PAPPA2: variants seen among roughly 807,000 people sequenced by gnomAD.
The protein encoded by PAPPA2 is pappalysin-2.
Under a neutral mutation model 176.4 loss-of-function variants are expected in PAPPA2, and 86 were observed. The observed-to-expected ratio is 0.49, with a 90% confidence interval of 0.41 to 0.58. PAPPA2 has a LOEUF of 0.58. PAPPA2 is among the 20% of genes least tolerant of loss of function. PAPPA2 has a pLI of 0.00. For synonymous variants in PAPPA2, 809 were observed against 852.2 expected (o/e 0.95, Z 0.88); for missense variants, 2,073 against 2,256.9 (o/e 0.92, Z 1.65).
intron 20 of PAPPA2, among the ~76,000 whole-genome samples, chr1:176,794,849 G>A (rs1465039305): frequency 6.6e-6 from 1 of 152,190 alleles, no homozygotes; most frequent in East Asian, 1.9e-4. Context: ...TCATTGCAAT[G>A]GTGTCTTCCT....
chr1:176,699,117 C>G lies in PAPPA2; in HGVS notation c.2764C>G (p.Gln922Glu). The change falls in exon 8 of 23, where the codon CAG becomes GAG. Residue 922 changes from glutamine to glutamate, a missense_variant. Gln to Glu is a conservative substitution (Grantham distance 29). Transcript: ENST00000367662. Reference protein sequence around the residue: ...EEAVGPPDVDQPCEPSLQAWS... With the variant: ...EEAVGPPDVDEPCEPSLQAWS... ...CCCCCCAGGGCCTCCTGATGTGGAT[C>G]AGCCCTGCGAGCCAAGCTTACAGGC... 3 of 1,613,020 alleles carry G rather than the reference C, an allele frequency of 1.9e-6. No individual in the cohort carries two copies. The African/African-American group carries it at 4.0e-5, about 22-fold the overall frequency.
chr1:176,762,847 T>C (rs964901481), intron 14 of PAPPA2, among the ~76,000 whole-genome samples: 4 of 152,240 alleles, frequency 2.6e-5, no homozygotes, highest in Admixed American at 2.0e-4. Flanking sequence ...TCATCAGGTC[T>C]CATAATGGAT....
intron 20 of PAPPA2, among the ~76,000 whole-genome samples, chr1:176,799,122 G>A (rs902729327): frequency 6.6e-6 from 1 of 152,160 alleles, no homozygotes; most frequent in Non-Finnish European, 1.5e-5. Flanking sequence ...ATTTCAGTTG[G>A]ACTGATTAAA....
intron 1 of PAPPA2, among the ~76,000 whole-genome samples, chr1:176,472,511 A>T (rs1651928058): frequency 6.6e-6 from 1 of 152,142 alleles, no homozygotes; most frequent in Non-Finnish European, 1.5e-5. Context: ...CCAAACATGG[A>T]ATCTGCCATT....
intron 3 of PAPPA2, among the ~76,000 whole-genome samples, chr1:176,601,403 C>G (rs1654312148): frequency 1.3e-5 from 2 of 152,156 alleles, no homozygotes; most frequent in African/African-American, 4.8e-5. Context: ...AAATCTAGCC[C>G]AAAGTAGTTC....
At chr1:176,704,675 T>C (rs1660800796) in intron 9 of PAPPA2, among the ~76,000 whole-genome samples, 1 of 152,174 alleles carries the variant, frequency 6.6e-6, no homozygotes, top group South Asian at 2.1e-4. Context: ...TTGGAACAAC[T>C]TGGGCAGGTA....
At chr1:176,605,006 G>A (rs891046772) in intron 3 of PAPPA2, among the ~76,000 whole-genome samples, 3 of 152,110 alleles carry the variant, frequency 2.0e-5, no homozygotes, top group Non-Finnish European at 4.4e-5. Flanking sequence ...TAAAATAACT[G>A]ACAATACTCA....
intron 1 of PAPPA2, among the ~76,000 whole-genome samples, chr1:176,524,198 C>G (rs1414850280): frequency 6.6e-6 from 1 of 151,922 alleles, no homozygotes; most frequent in Admixed American, 6.6e-5. Flanking sequence ...TCTATAAACA[C>G]ATGGCATATA....
At chr1:176,702,034 T>G (rs1660671853) in intron 8 of PAPPA2, among the ~76,000 whole-genome samples, 2 of 152,184 alleles carry the variant, frequency 1.3e-5, no homozygotes, top group Non-Finnish European at 2.9e-5. Flanking sequence ...GGGGAGTTGT[T>G]TAATGCATTT....
chr1:176,670,932 C>G, intron 3 of PAPPA2, 38 bp from the exon 4 acceptor site: 1 of 1,611,916 alleles, frequency 6.2e-7, no homozygotes, highest in Non-Finnish European at 8.5e-7. Flanking sequence ...AGTACCAATT[C>G]TTTGCTGTGA....
At position 176,690,201 on chromosome 1, in the gene PAPPA2, A is replaced by G; in HGVS notation, c.2202A>G (p.Glu734=). The stretch of plus-strand genomic sequence containing the variant: ...GCCACACCGACACCATGATCCATGA[A>G]GTGGGACATGTTCTGGGACTCTACC... ...MPGHTDTMIH[E]VGHVLGLYHV... Residue 734 remains glutamate, a synonymous_variant, in exon 5 of 23, where the codon GAA becomes GAG. Transcript: ENST00000367662. 1.2e-6 allele frequency: 2 copies of G among 1,614,116 alleles called. No individual in the cohort carries two copies. Among genetic ancestry groups the G allele is most frequent in the Admixed American group, 1.7e-5 (1 of 60,020 alleles).
chr1:176,610,939 A>G (rs1461387512), intron 3 of PAPPA2, among the ~76,000 whole-genome samples: 1 of 152,208 alleles, frequency 6.6e-6, no homozygotes, highest in Non-Finnish European at 1.5e-5. Flanking sequence ...GGTGGGAGAG[A>G]CAGACATGTA....
chr1:176,736,841 G>C (rs1662440658), intron 12 of PAPPA2, among the ~76,000 whole-genome samples: 1 of 151,416 alleles, frequency 6.6e-6, no homozygotes, highest in Non-Finnish European at 1.5e-5. Flanking sequence ...TTATAAAGTA[G>C]AGATATATTC....
Position 176,556,356 on chromosome 1 carries a change from G to A in PAPPA2, c.34G>A (p.Ala12Thr), listed in dbSNP as rs749472884. 2 of 1,613,984 alleles carry A rather than the reference G, an allele frequency of 1.2e-6. No individual in the cohort carries two copies. Among genetic ancestry groups the A allele is most frequent in the African/African-American group, 1.3e-5 (1 of 74,926 alleles). ...MCLKILRISL[A>T]ILAGWALCSA... ...CTTAAAGATCCTAAGAATAAGCCTG[G>A]CGATTTTGGCTGGGTGGGCACTCTG... The change falls in exon 2 of 23, where the codon GCG (alanine) becomes ACG (threonine). Residue 12 changes from alanine (A) to threonine (T), a missense_variant. By Grantham distance (58) the Ala-to-Thr change is moderately conservative. Coordinates refer to ENST00000367662, the MANE Select transcript of PAPPA2 (RefSeq NM_020318.3).
intron 1 of PAPPA2, among the ~76,000 whole-genome samples, chr1:176,528,069 G>A (rs1284447345): frequency 1.3e-5 from 2 of 152,190 alleles, no homozygotes; most frequent in East Asian, 3.9e-4. Flanking sequence ...CCATATCTGA[G>A]GATTTATAGT....
Position 176,591,085 on chromosome 1 carries a change from GCACACACACA to G in PAPPA2, c.920-3408_920-3399del, listed in dbSNP as rs66535582. Among the ~76,000 whole-genome samples, 358 of 142,342 alleles carry G rather than the reference GCACACACACA, an allele frequency of 2.5e-3. 2 individuals are homozygous for G. The highest frequency in any genetic ancestry group is 3.9e-3 in the African/African-American group (155 of 39,316). 93.4% of individuals were successfully genotyped at this position (142,342 alleles called of 152,430 possible). Reference sequence around the variant, plus strand: ...TAAAAGTAAATATAGTCACACACATGCACACACACACACACACACACACACACACACACAC... The same window carrying G: ...TAAAAGTAAATATAGTCACACACATGCACACACACACACACACACACACAC... On this transcript the variant is annotated intron_variant, in intron 2 of 22. Transcript: ENST00000367662.
At chr1:176,822,357 ATCTTTCTTAACT>A (rs1450625774) in intron 21 of PAPPA2, among the ~76,000 whole-genome samples, 9 of 152,150 alleles carry the variant, frequency 5.9e-5, no homozygotes, top group Admixed American at 1.3e-4. Context: ...GAAGCTGAGT[ATCTTTCTTAACT>A]TCCTTCCTCC....
intron 14 of PAPPA2, among the ~76,000 whole-genome samples, chr1:176,755,231 TA>T (rs1246032440): frequency 6.6e-6 from 1 of 151,946 alleles, no homozygotes; most frequent in African/African-American, 2.4e-5. Context: ...CAAGGAGAAG[TA>T]GGGAGAGGTA....
intron 2 of PAPPA2, among the ~76,000 whole-genome samples, chr1:176,580,856 T>A (rs970933772): frequency 7.1e-6 from 1 of 141,244 alleles, no homozygotes; most frequent in Admixed American, 6.8e-5. Context: ...AATGTTTGCA[T>A]TTTTTGCATA....
Sources: allele counts gnomAD v4.1 joint callset (sites outside exome capture counted in the v4.1 genomes callset), GRCh38; gene constraint gnomAD v4.1.1; transcripts MANE v1.5; gene names NCBI Gene and HGNC (gene_info 2026-07-23, HGNC 2026-07-21).